CACNA1D: variants seen among roughly 807,000 people sequenced by gnomAD.
CACNA1D encodes the protein calcium voltage-gated channel subunit alpha1 D, also known as voltage-dependent L-type calcium channel subunit alpha-1D.
Under a neutral mutation model 257.1 loss-of-function variants are expected in CACNA1D, and 55 were observed. That is an observed-to-expected ratio of 0.21 (90% CI 0.17 to 0.27). CACNA1D has a LOEUF of 0.27. Ranked by LOEUF, CACNA1D falls within the 10% of genes least tolerant of loss-of-function variation. The pLI, the probability that CACNA1D is intolerant of heterozygous loss-of-function variation, is 1.00. For synonymous variants in CACNA1D, 980 were observed against 1,014.9 expected (o/e 0.97, Z 0.65); for missense variants, 1,876 against 2,784.0 (o/e 0.67, Z 7.34).
chr3:53,800,704 A>G lies in CACNA1D; in HGVS notation c.5040+339A>G. 1 of 492,882 alleles carries G rather than the reference A, an allele frequency of 2.0e-6. No homozygotes were observed. The highest frequency in any genetic ancestry group is 2.0e-5 in the South Asian group (1 of 49,236). 30.5% of individuals were successfully genotyped at this position (492,882 alleles called of 1,614,324 possible). ...TCCTCCTTCCCGGGCCAGCTCTTTG[A>G]TCTGCCAGCTGGCTGTCAGTCCCCC... is the stretch of plus-strand genomic sequence containing the variant. On this transcript the variant is annotated intron_variant, in intron 41 of 47. Transcript: ENST00000350061. This position sits in a 1 kb window ranked among gnomAD's most constrained non-coding sequence, Gnocchi z 4.3.
chr3:53,757,325 T>C, intron 29 of CACNA1D, among the ~76,000 whole-genome samples: 1 of 152,238 alleles, frequency 6.6e-6, no homozygotes. Context: ...ATTGGGCTTC[T>C]TGTTGGGCTC....
intron 8 of CACNA1D, among the ~76,000 whole-genome samples, chr3:53,699,914 A>G (rs1042666036): frequency 2.6e-5 from 4 of 152,054 alleles, no homozygotes; most frequent in South Asian, 2.1e-4. Context: ...TACAACAGTG[A>G]TGCAGCTTGT....
chr3:53,497,573 CAG>C (rs1313991263), intron 2 of CACNA1D, 112 bp downstream of exon 2: 49 of 1,127,348 alleles, frequency 4.3e-5, no homozygotes, highest in Non-Finnish European at 6.2e-5. Context: ...ATGCGAGTAA[CAG>C]AAGTTGTATA....
intron 33 of CACNA1D, 117 bp downstream of exon 33, chr3:53,773,015 C>T: frequency 1.2e-6 from 1 of 862,554 alleles, no homozygotes; most frequent in Non-Finnish European, 1.9e-6. Context: ...CCAAATGCCT[C>T]TGCTGAAGCC....
intron 30 of CACNA1D, among the ~76,000 whole-genome samples, chr3:53,762,299 C>T (rs963646532): frequency 6.6e-6 from 1 of 152,206 alleles, no homozygotes; most frequent in Non-Finnish European, 1.5e-5. Flanking sequence ...TTTTGGAGGA[C>T]AGGCCTTTTT....
At chr3:53,718,501 C>G (rs56101638) in intron 10 of CACNA1D, 113 bp downstream of exon 10, 53 of 931,442 alleles carry the variant, frequency 5.7e-5, no homozygotes, top group Non-Finnish European at 8.2e-5. Context: ...TTGGGTGTGG[C>G]GGGTGGGAAG....
chr3:53,506,257 C>T (rs1165142105), intron 3 of CACNA1D, among the ~76,000 whole-genome samples: 1 of 152,158 alleles, frequency 6.6e-6, no homozygotes, highest in Non-Finnish European at 1.5e-5. Context: ...TTGTCCACTC[C>T]CCGCCTGCCT....
intron 3 of CACNA1D, among the ~76,000 whole-genome samples, chr3:53,571,570 G>T (rs2092944841): frequency 2.0e-5 from 3 of 152,212 alleles, no homozygotes; most frequent in Middle Eastern, 3.4e-3. Context: ...GTCATGACAG[G>T]TTCTCTGTGG....
Position 53,495,695 on chromosome 3 carries a change from G to T in CACNA1D, c.67+462G>T, listed in dbSNP as rs537060934. Reference sequence around the variant, plus strand: ...GAAAATTCTAGGATTGCCCGGTTTCGCCCTCCGCGCCGGTGGGTGAAGCAC... The same window carrying T: ...GAAAATTCTAGGATTGCCCGGTTTCTCCCTCCGCGCCGGTGGGTGAAGCAC... On this transcript the variant is annotated intron_variant, in intron 1 of 47. Transcript: ENST00000350061. This position sits in a 1 kb window ranked among gnomAD's most constrained non-coding sequence, Gnocchi z 5.1. Among the ~76,000 whole-genome samples the T allele has an allele frequency of 9.8e-5, 15 of 152,356 alleles. No homozygotes were observed. The South Asian group carries it at 3.1e-3, about 32-fold the overall frequency.
intron 3 of CACNA1D, among the ~76,000 whole-genome samples, chr3:53,510,652 A>G (rs552159696): frequency 2.0e-5 from 3 of 152,270 alleles, no homozygotes; most frequent in African/African-American, 7.2e-5. Flanking sequence ...TTCTTCACTA[A>G]GCCTGTACTC....
At chr3:53,702,424 T>C (rs2094635823) in intron 8 of CACNA1D, among the ~76,000 whole-genome samples, 1 of 152,110 alleles carries the variant, frequency 6.6e-6, no homozygotes, top group Non-Finnish European at 1.5e-5. Flanking sequence ...GATGCATGTG[T>C]GTTGGTGTGG....
chr3:53,631,882 G>A (rs1460162140), intron 3 of CACNA1D, among the ~76,000 whole-genome samples: 1 of 152,216 alleles, frequency 6.6e-6, no homozygotes, highest in African/African-American at 2.4e-5. Context: ...CAGTGGGCTT[G>A]AAATATTCAG....
intron 3 of CACNA1D, among the ~76,000 whole-genome samples, chr3:53,520,997 T>G (rs1559785474): frequency 6.6e-6 from 1 of 151,530 alleles, no homozygotes; most frequent in Non-Finnish European, 1.5e-5. Context: ...CTTTTCTTTC[T>G]TTCTTCTTTT....
At chr3:53,583,009 T>C (rs1240781813) in intron 3 of CACNA1D, among the ~76,000 whole-genome samples, 1 of 152,146 alleles carries the variant, frequency 6.6e-6, no homozygotes, top group Non-Finnish European at 1.5e-5. Context: ...TCTCAAATCA[T>C]GTGAAGTTTG....
In CACNA1D at chr3:53,811,155, A is replaced by C; in HGVS notation, c.6235A>C (p.Lys2079Gln). 6.2e-7 allele frequency: 1 copy of C among 1,614,136 alleles called. No homozygotes were observed. The highest frequency in any genetic ancestry group is 8.5e-7 in the Non-Finnish European group (1 of 1,180,016). The change falls in exon 48 of 48, where the codon AAA (lysine) becomes CAA (glutamine). Residue 2079 changes from lysine to glutamine, a missense_variant. By Grantham distance (53) the Lys-to-Gln change is moderately conservative. Transcript: ENST00000350061. The surrounding 1 kb of genome is among the most constrained non-coding windows in gnomAD (Gnocchi z 4.2). ...CTTGGGACGCTATGCAAGGGACCCA[A>C]AATTTGTGTCAGCAACAAAACACGA... is the stretch of plus-strand genomic sequence containing the variant. ...EGLGRYARDP[K>Q]FVSATKHEIA...
intron 40 of CACNA1D, among the ~76,000 whole-genome samples, chr3:53,787,728 G>A (rs539529965): frequency 5.3e-5 from 8 of 152,110 alleles, no homozygotes; most frequent in Non-Finnish European, 1.2e-4. Flanking sequence ...AAGGCACCAT[G>A]AGGACCAGCA....
intron 3 of CACNA1D, among the ~76,000 whole-genome samples, chr3:53,596,455 T>A (rs1437821402): frequency 6.6e-6 from 1 of 152,176 alleles, no homozygotes. Context: ...GATTTCCACA[T>A]CCTAATCTCT....
Position 53,599,014 on chromosome 3 carries a change from C to CT in CACNA1D, c.484-51753dup, listed in dbSNP as rs5848999. ...ACAAGTTTGTATGTTATTGGTGTGC[C>CT]TTTTTTTTTTTTAATACCATAGGTG... On this transcript the variant is annotated intron_variant, in intron 3 of 47. Coordinates refer to ENST00000350061, the MANE Select transcript of CACNA1D (RefSeq NM_001128840.3). 3.4e-4 allele frequency among the ~76,000 whole-genome samples: 51 copies of CT among 148,534 alleles called. 1 individual carries two copies. The highest frequency in any genetic ancestry group is 1.2e-3 in the African/African-American group (47 of 40,440).
chr3:53,544,576 T>C (rs988323333), intron 3 of CACNA1D, among the ~76,000 whole-genome samples: 7 of 152,210 alleles, frequency 4.6e-5, no homozygotes, highest in African/African-American at 1.7e-4. Flanking sequence ...GAGTCATCAA[T>C]CATTTGCCTG....
Sources: gnomAD v4.1 joint callset for allele counts (sites outside exome capture counted in the v4.1 genomes callset) on GRCh38, gnomAD v4.1.1 for gene constraint, Gnocchi (gnomAD v3.1) non-coding constraint, MANE v1.5 for transcripts, NCBI Gene and HGNC (gene_info 2026-07-23, HGNC 2026-07-21) for gene names.